Variants in OPCML observed in about 807,000 individuals in gnomAD.
OPCML encodes the protein opioid binding protein/cell adhesion molecule like, also known as opioid-binding protein/cell adhesion molecule.
OPCML carries 13 observed loss-of-function variants against 37.8 expected under a neutral mutation model. The observed-to-expected ratio is 0.34, with a 90% CI of 0.22 to 0.55. OPCML has a LOEUF of 0.55. OPCML is among the 20% of genes least tolerant of loss of function. The pLI is 0.91. For missense variants in OPCML, 341 were observed against 435.6 expected, an observed-to-expected ratio of 0.78 and a Z score of 1.93; for synonymous variants, 176 against 168.8, an observed-to-expected ratio of 1.04 and a Z score of -0.33.
chr11:132,709,680 C>G (rs1944179526), intron 2 of OPCML, among the ~76,000 whole-genome samples: 1 of 152,126 alleles, frequency 6.6e-6, no homozygotes, highest in Admixed American at 6.5e-5. Flanking sequence ...ACAGTTTTGC[C>G]CTTTCCATGC....
At chr11:132,624,488 C>T (rs1939619537) in intron 3 of OPCML, among the ~76,000 whole-genome samples, 1 of 152,166 alleles carries the variant, frequency 6.6e-6, no homozygotes, top group Admixed American at 6.5e-5. Context: ...TATGCCTCTA[C>T]CGACTCCTTC....
intron 1 of OPCML, among the ~76,000 whole-genome samples, chr11:132,989,557 G>T (rs1472599348): frequency 3.9e-5 from 6 of 152,034 alleles, no homozygotes; most frequent in African/African-American, 1.4e-4. Flanking sequence ...ATGGATGGGG[G>T]AGGACCATGC....
At chr11:132,443,923 C>T (rs1242085013) in intron 4 of OPCML, among the ~76,000 whole-genome samples, 1 of 152,234 alleles carries the variant, frequency 6.6e-6, no homozygotes, top group Admixed American at 6.5e-5. Context: ...AAAACATCCG[C>T]TGGGCTACAA....
At chr11:133,261,065 AC>A (rs1206609175) in intron 1 of OPCML, among the ~76,000 whole-genome samples, 2 of 152,186 alleles carry the variant, frequency 1.3e-5, no homozygotes, top group African/African-American at 4.8e-5. Flanking sequence ...CCTTGGCTTA[AC>A]AAAACAAGTG....
intron 1 of OPCML, among the ~76,000 whole-genome samples, chr11:133,409,831 A>G (rs4341548): frequency 0.34 from 52,418 of 152,040 alleles, 11,938 homozygotes; most frequent in African/African-American, 0.65. Context: ...CTTTGTTCTT[A>G]TGGATCCTGC....
intron 1 of OPCML, chr11:133,024,942 C>T: frequency 1.0e-6 from 1 of 985,378 alleles, no homozygotes; most frequent in African/African-American, 1.7e-5. Flanking sequence ...AATTCCTGAA[C>T]CAATGCGCAC....
intron 2 of OPCML, among the ~76,000 whole-genome samples, chr11:132,835,472 A>C (rs1486247518): frequency 1.3e-5 from 2 of 152,196 alleles, no homozygotes; most frequent in East Asian, 3.9e-4. Context: ...GTTGTCTAGA[A>C]CCAGAGTCTG....
chr11:132,818,587 T>TTAGATAGATAGATAGATAGA (rs1555193663), intron 2 of OPCML, among the ~76,000 whole-genome samples: 1 of 137,986 alleles, frequency 7.2e-6, no homozygotes, highest in Non-Finnish European at 1.5e-5. Context: ...TCTCTCTCTC[T>TTAGATAGATAGATAGATAGA]TAGATAGATA....
rs944805550 is a variant in OPCML at position 133,231,471 on chromosome 11, G to A, written c.62-288461C>T. Among the ~76,000 whole-genome samples the A allele has an allele frequency of 5.9e-5, 9 of 152,264 alleles. No individual in the cohort carries two copies. The East Asian group carries it at 1.2e-3, about 20-fold the overall frequency. ...TAAGATTCCTAGGTGAAGATGTCAC[G>A]TCTTGTTGGAAAAACATTTCATTGT... On this transcript the variant is annotated intron_variant, in intron 1 of 7. Transcript: ENST00000524381.
At chr11:133,274,293 T>A (rs1253838002) in intron 1 of OPCML, among the ~76,000 whole-genome samples, 1 of 152,086 alleles carries the variant, frequency 6.6e-6, no homozygotes, top group Non-Finnish European at 1.5e-5. Flanking sequence ...TTGGCAGATG[T>A]GATTAGTTCC....
intron 1 of OPCML, among the ~76,000 whole-genome samples, chr11:133,472,057 GA>G (rs912088487): frequency 2.6e-5 from 4 of 152,188 alleles, no homozygotes; most frequent in African/African-American, 4.8e-5. Context: ...GAGGAAAATG[GA>G]AGTGAGAATG....
intron 7 of OPCML, among the ~76,000 whole-genome samples, chr11:132,435,618 A>G (rs867749667): frequency 2.0e-5 from 3 of 152,346 alleles, no homozygotes; most frequent in African/African-American, 7.2e-5. Flanking sequence ...TAGAGCAGCC[A>G]CCTGATAAGG....
Position 132,685,222 on chromosome 11 carries a change from G to A in OPCML, c.147-27903C>T, listed in dbSNP as rs970691082. ...GACAAGCACTGGATTTTCCCTTTCC[G>A]TTTTTGTGGTCATTGGAATAGCTTT... is the stretch of plus-strand genomic sequence containing the variant. On this transcript the variant is annotated intron_variant, in intron 2 of 7. Coordinates refer to ENST00000524381, the MANE Select transcript of OPCML (RefSeq NM_001012393.5). Among the ~76,000 whole-genome samples the A allele has an allele frequency of 7.2e-5, 11 of 152,054 alleles. 1 individual carries two copies. The highest frequency in any genetic ancestry group is 1.5e-4 in the Non-Finnish European group (10 of 68,016).
At chr11:132,618,988 CACACACACA>C (rs1454498309) in intron 3 of OPCML, among the ~76,000 whole-genome samples, 2 of 121,780 alleles carry the variant, frequency 1.6e-5, no homozygotes, top group African/African-American at 6.9e-5. Context: ...CACACACACA[CACACACACA>C]CACCGTGTTT....
intron 1 of OPCML, among the ~76,000 whole-genome samples, chr11:133,107,913 C>T (rs1287853596): frequency 1.3e-5 from 2 of 152,180 alleles, no homozygotes; most frequent in African/African-American, 2.4e-5. Context: ...CTCAGGGAGC[C>T]ATGCCACACA....
chr11:133,140,570 G>GAAGA (rs1949762263), intron 1 of OPCML, among the ~76,000 whole-genome samples: 1 of 139,258 alleles, frequency 7.2e-6, no homozygotes, highest in African/African-American at 2.9e-5. Context: ...AGAAGAAGAA[G>GAAGA]AAGAAGAAAG....
intron 2 of OPCML, among the ~76,000 whole-genome samples, chr11:132,733,084 T>C (rs1945133214): frequency 6.6e-6 from 1 of 152,184 alleles, no homozygotes. Context: ...ATGATATGTT[T>C]TACTTTATTA....
intron 2 of OPCML, among the ~76,000 whole-genome samples, chr11:132,729,337 C>T (rs1310554405): frequency 6.6e-6 from 1 of 152,152 alleles, no homozygotes; most frequent in African/African-American, 2.4e-5. Flanking sequence ...TTCAGCTGCA[C>T]TATCTCATGA....
intron 1 of OPCML, among the ~76,000 whole-genome samples, chr11:133,236,039 G>C (rs890438032): frequency 2.0e-5 from 3 of 152,122 alleles, no homozygotes; most frequent in South Asian, 2.1e-4. Flanking sequence ...ATACATCCCT[G>C]TGATAACGTT....
Sources: gnomAD v4.1 joint callset for allele counts (sites outside exome capture counted in the v4.1 genomes callset) on GRCh38, gnomAD v4.1.1 for gene constraint, MANE v1.5 for transcripts, NCBI Gene and HGNC (gene_info 2026-07-23, HGNC 2026-07-21) for gene names.